Variants in ATP2B3 observed in about 807,000 individuals in gnomAD.
The protein encoded by ATP2B3 is plasma membrane calcium-transporting ATPase 3.
In ATP2B3, 12 loss-of-function variants were observed where a neutral mutation model predicts 70.8. That is an observed-to-expected ratio of 0.17 (90% CI 0.11 to 0.27). The LOEUF (loss-of-function observed/expected upper bound fraction) is 0.27, where lower values mean the gene tolerates loss of function less well. ATP2B3 is among the 10% of genes least tolerant of loss of function. The pLI, the probability that ATP2B3 is intolerant of heterozygous loss-of-function variation, is 1.00. For synonymous variants in ATP2B3, 460 were observed against 497.8 expected (o/e 0.92, Z 1.01); for missense variants, 858 against 1,118.5 (o/e 0.77, Z 3.32).
intron 2 of ATP2B3, among the ~76,000 whole-genome samples, chrX:153,529,026 T>G (rs1557000825): frequency 8.9e-6 from 1 of 112,402 alleles, no homozygotes; most frequent in Admixed American, 9.4e-5. Flanking sequence ...GCTAGCAAGT[T>G]TCTGCCACAC....
chrX:153,572,951 T>C (rs1285419288), intron 21 of ATP2B3, among the ~76,000 whole-genome samples: 1 of 112,298 alleles, frequency 8.9e-6, no homozygotes, highest in Non-Finnish European at 1.9e-5. Context: ...GAGAGGCCTT[T>C]TATGTCTGTT....
intron 8 of ATP2B3, among the ~76,000 whole-genome samples, chrX:153,547,155 C>T (rs2090380651): frequency 2.7e-5 from 3 of 110,967 alleles, no homozygotes; most frequent in South Asian, 7.7e-4. Context: ...TACTCTGGGC[C>T]GTGGAGTGGG....
intron 8 of ATP2B3, among the ~76,000 whole-genome samples, chrX:153,546,608 C>T (rs1324263587): frequency 8.8e-6 from 1 of 113,316 alleles, no homozygotes; most frequent in Non-Finnish European, 1.9e-5. Context: ...TGGCAGGTGC[C>T]GACACCCTGG....
At chrX:153,528,352 A>G (rs1477032010) in intron 2 of ATP2B3, among the ~76,000 whole-genome samples, 2 of 111,866 alleles carry the variant, frequency 1.8e-5, no homozygotes, top group Non-Finnish European at 3.8e-5. Context: ...GGGCCACCCC[A>G]TGCTATAGAG....
intron 21 of ATP2B3, among the ~76,000 whole-genome samples, chrX:153,577,030 C>T (rs1406200183): frequency 8.9e-6 from 1 of 112,563 alleles, no homozygotes; most frequent in African/African-American, 3.2e-5. Context: ...CTCACCAGGA[C>T]TCCAGCCAAG....
chrX:153,564,192 G>A (rs782585729), intron 20 of ATP2B3, among the ~76,000 whole-genome samples: 3 of 113,129 alleles, frequency 2.7e-5, no homozygotes, highest in Non-Finnish European at 5.6e-5. Context: ...CTCCAGGAGA[G>A]ACTAGGCCAG....
chrX:153,552,067 G>A (rs1289113090), intron 12 of ATP2B3, among the ~76,000 whole-genome samples: 1 of 112,576 alleles, frequency 8.9e-6, no homozygotes, highest in African/African-American at 3.2e-5. Context: ...CTCACTGCCA[G>A]GGCCAGGACC....
chrX:153,580,161 C>CCCCCGT lies in ATP2B3; in HGVS notation c.3531_3536dup (p.Ser1178_Pro1179dup). 1.1e-6 allele frequency: 1 copy of CCCCCGT among 950,724 alleles called. No individual in the cohort carries two copies. 78.4% of individuals were successfully genotyped at this position (950,724 alleles called of 1,213,427 possible). On this transcript the variant is annotated inframe_insertion, in exon 22 of 22. Coordinates refer to ENST00000263519, the MANE Select transcript of ATP2B3 (RefSeq NM_001001344.3). Reference sequence around the variant, plus strand: ...CGAGGAGCGCCTCCGGGCCCCCCCGCCCCCGTCCCCCAACCAGAACAACAA... The same window carrying CCCCCGT: ...CGAGGAGCGCCTCCGGGCCCCCCCGCCCCCGTCCCCGTCCCCCAACCAGAACAACAA...
chrX:153,559,455 C>T (rs1557015231), intron 17 of ATP2B3: 2 of 365,300 alleles, frequency 5.5e-6, no homozygotes, highest in Non-Finnish European at 9.5e-6. Context: ...CAGACCCCAT[C>T]GTCGGGCTGT....
Position 153,580,023 on chromosome X carries a change from G to A in ATP2B3, c.3388G>A (p.Glu1130Lys), listed in dbSNP as rs782558698. Residue 1130 changes from glutamate (E) to lysine (K), a missense_variant, in exon 22 of 22, where the codon GAG becomes AAG. Transcript: ENST00000263519. ...AFRSSLYEGL[E>K]KPESKTSIHN... The stretch of plus-strand genomic sequence containing the variant: ...CCGTAGCTCGCTCTATGAAGGCCTG[G>A]AGAAACCAGAATCCAAGACCTCCAT... The A allele has an allele frequency of 8.3e-7, 1 of 1,209,707 alleles. No homozygotes were observed. Among genetic ancestry groups the A allele is most frequent in the African/African-American group, 1.8e-5 (1 of 57,141 alleles).
chrX:153,571,703 T>C (rs1379150344), intron 21 of ATP2B3, among the ~76,000 whole-genome samples: 1 of 111,787 alleles, frequency 8.9e-6, no homozygotes, highest in Non-Finnish European at 1.9e-5. Context: ...GTAAGTAGAG[T>C]GGGAGAGACG....
Position 153,541,559 on chromosome X carries a change from A to T in ATP2B3, c.406+3A>T. On this transcript the variant is annotated splice_donor_region_variant and intron_variant, in intron 4 of 21. Transcript: ENST00000263519. ...GCCGCCAGGAGAGGAGAGTGAAGGT[A>T]AGGCCCGGGGGCCTGGGCTGGAAGG... 1 of 1,210,841 alleles carries T rather than the reference A, an allele frequency of 8.3e-7. No homozygotes were observed. The highest frequency in any genetic ancestry group is 1.1e-6 in the Non-Finnish European group (1 of 895,203).
chrX:153,518,273 C>T (rs965531099), intron 1 of ATP2B3, among the ~76,000 whole-genome samples, 159 bp from the exon 2 acceptor site: 1 of 112,502 alleles, frequency 8.9e-6, no homozygotes. Flanking sequence ...GCACCCCCTC[C>T]CCCCCGCGCC....
rs1377623405 is a variant in ATP2B3 at position 153,541,648 on chromosome X, TC to T, written c.407-18del. On this transcript the variant is annotated intron_variant, in intron 4 of 21. Transcript: ENST00000263519. ...GGATGGTGATGTCTCCTCCACTGCT[TC>T]CCTTCTGTCCTCCGCACAGCCTGTG... 2 of 1,205,616 alleles carry T rather than the reference TC, an allele frequency of 1.7e-6. No individual in the cohort carries two copies. Among genetic ancestry groups the T allele is most frequent in the Admixed American group, 4.4e-5 (2 of 45,643 alleles).
intron 21 of ATP2B3, among the ~76,000 whole-genome samples, chrX:153,578,366 C>T (rs2090882491): frequency 8.9e-6 from 1 of 112,796 alleles, no homozygotes; most frequent in Non-Finnish European, 1.9e-5. Flanking sequence ...CGTCTGCTGC[C>T]CCCTATAGGG....
intron 21 of ATP2B3, among the ~76,000 whole-genome samples, chrX:153,565,634 A>G (rs782438981): frequency 8.9e-6 from 1 of 112,491 alleles, no homozygotes; most frequent in African/African-American, 3.2e-5. Flanking sequence ...GGCCAAGACC[A>G]AGGGCGTCAG....
At chrX:153,549,191 A>G (rs868953381) in intron 10 of ATP2B3, among the ~76,000 whole-genome samples, 1 of 42,097 alleles carries the variant, frequency 2.4e-5, no homozygotes, top group Non-Finnish European at 4.2e-5. Context: ...AGGTGGGGGG[A>G]GCCAGGTGTG....
At chrX:153,572,246 A>G (rs1397723697) in intron 21 of ATP2B3, among the ~76,000 whole-genome samples, 1 of 112,775 alleles carries the variant, frequency 8.9e-6, no homozygotes, top group Non-Finnish European at 1.9e-5. Context: ...GGCTGCCCCA[A>G]CTAGGCCTGC....
intron 13 of ATP2B3, among the ~76,000 whole-genome samples, chrX:153,553,970 T>C (rs2090497807): frequency 8.8e-6 from 1 of 113,614 alleles, no homozygotes; most frequent in Non-Finnish European, 1.9e-5. Context: ...TGACAACTTG[T>C]CTTTGTAGGA....
Sources: gnomAD v4.1 joint callset for allele counts (sites outside exome capture counted in the v4.1 genomes callset) on GRCh38, gnomAD v4.1.1 for gene constraint, MANE v1.5 for transcripts, NCBI Gene and HGNC (gene_info 2026-07-23, HGNC 2026-07-21) for gene names.